CACNA2D3: variants seen among roughly 807,000 people sequenced by gnomAD.
CACNA2D3 encodes voltage-dependent calcium channel subunit alpha-2/delta-3.
In CACNA2D3, 60 loss-of-function variants were observed where a neutral mutation model predicts 160.6. The observed-to-expected ratio is 0.37, with a 90% CI of 0.30 to 0.46. The LOEUF is 0.46. Ranked by LOEUF, CACNA2D3 falls within the 20% of genes least tolerant of loss-of-function variation. CACNA2D3 has a pLI of 1.00. For synonymous variants in CACNA2D3, 558 were observed against 492.9 expected, an observed-to-expected ratio of 1.13 and a Z score of -1.75; for missense variants, 1,205 against 1,365.0, an observed-to-expected ratio of 0.88 and a Z score of 1.85.
At chr3:54,286,473 G>T (rs1178238477) in intron 2 of CACNA2D3, among the ~76,000 whole-genome samples, 1 of 152,232 alleles carries the variant, frequency 6.6e-6, no homozygotes, top group Non-Finnish European at 1.5e-5. Flanking sequence ...TGATAGTGAT[G>T]GGGAGAATGG....
chr3:54,665,161 A>G (rs1009964889), intron 11 of CACNA2D3, among the ~76,000 whole-genome samples: 1 of 152,168 alleles, frequency 6.6e-6, no homozygotes, highest in Non-Finnish European at 1.5e-5. Context: ...CTAATCAGAA[A>G]CCATTGCTGT....
chr3:54,859,133 G>T (rs1231498592), intron 17 of CACNA2D3, among the ~76,000 whole-genome samples: 3 of 152,212 alleles, frequency 2.0e-5, no homozygotes, highest in Non-Finnish European at 2.9e-5. Context: ...GCAGTAAGAT[G>T]AAGGCAGACT....
intron 10 of CACNA2D3, chr3:54,637,699 C>G (rs759892530): frequency 6.6e-6 from 1 of 151,972 alleles, no homozygotes; most frequent in East Asian, 1.9e-4. Context: ...ACCTAAAGCT[C>G]GGCGTCCATG....
chr3:55,058,959 G>T (rs901455492), intron 35 of CACNA2D3, among the ~76,000 whole-genome samples: 2 of 152,054 alleles, frequency 1.3e-5, no homozygotes, highest in African/African-American at 4.8e-5. Flanking sequence ...TGCAAAACTG[G>T]CTTCATATTT....
At chr3:54,311,889 T>G (rs79131778) in intron 2 of CACNA2D3, among the ~76,000 whole-genome samples, 73 of 152,292 alleles carry the variant, frequency 4.8e-4, no homozygotes, top group African/African-American at 1.6e-3. Flanking sequence ...CTTAAATGAT[T>G]GGGTTAATGA....
In CACNA2D3 at chr3:54,735,006, C is replaced by T. The variant is rs144209354; in HGVS notation, c.1168-17593C>T. ...AGTGTAACCATTAAGGCACTACCTC[C>T]AGTCTTTCTCTGCCCTAGCGTGGAG... On this transcript the variant is annotated intron_variant, in intron 11 of 37. Coordinates refer to ENST00000474759, the MANE Select transcript of CACNA2D3 (RefSeq NM_018398.3). 5.8e-3 allele frequency among the ~76,000 whole-genome samples: 880 copies of T among 152,364 alleles called. 15 individuals carry two copies. Among genetic ancestry groups the T allele is most frequent in the African/African-American group, 0.02 (822 of 41,584 alleles).
intron 27 of CACNA2D3, among the ~76,000 whole-genome samples, chr3:54,949,686 A>G (rs1341778404): frequency 1.3e-5 from 2 of 152,192 alleles, no homozygotes; most frequent in Non-Finnish European, 2.9e-5. Context: ...ACCGCCCAAC[A>G]TCGTTGGTCA....
intron 13 of CACNA2D3, among the ~76,000 whole-genome samples, chr3:54,780,048 G>T (rs1181763908): frequency 6.6e-6 from 1 of 152,116 alleles, no homozygotes; most frequent in African/African-American, 2.4e-5. Context: ...CAGTTTGTTT[G>T]TTTCTCCCTG....
intron 12 of CACNA2D3, among the ~76,000 whole-genome samples, chr3:54,756,683 G>T (rs555530280): frequency 6.6e-6 from 1 of 152,126 alleles, no homozygotes; most frequent in Non-Finnish European, 1.5e-5. Flanking sequence ...GAATCATGAG[G>T]GCTCTCACGT....
chr3:54,849,861 GA>G (rs971203350), intron 17 of CACNA2D3, among the ~76,000 whole-genome samples: 1 of 152,196 alleles, frequency 6.6e-6, no homozygotes, highest in African/African-American at 2.4e-5. Flanking sequence ...CCAGAGGAAA[GA>G]GGTGGGTTTC....
chr3:54,464,098 C>G (rs1378000711), intron 4 of CACNA2D3, among the ~76,000 whole-genome samples: 1 of 152,188 alleles, frequency 6.6e-6, no homozygotes, highest in Non-Finnish European at 1.5e-5. Flanking sequence ...TTTTCATGAA[C>G]CACGAATGCT....
intron 5 of CACNA2D3, among the ~76,000 whole-genome samples, chr3:54,509,724 A>T (rs1472300017): frequency 6.6e-6 from 1 of 152,208 alleles, no homozygotes; most frequent in Non-Finnish European, 1.5e-5. Context: ...GAAACATACA[A>T]GATAGTGCCA....
intron 27 of CACNA2D3, among the ~76,000 whole-genome samples, chr3:54,929,028 T>C (rs1451248459): frequency 2.0e-5 from 3 of 152,194 alleles, no homozygotes; most frequent in African/African-American, 7.2e-5. Flanking sequence ...TGTGTGTAAC[T>C]GTGTGTACGC....
At chr3:54,586,021 T>C (rs929621885) in intron 9 of CACNA2D3, among the ~76,000 whole-genome samples, 3 of 152,072 alleles carry the variant, frequency 2.0e-5, no homozygotes, top group Non-Finnish European at 4.4e-5. Context: ...TCCTAGCACT[T>C]TGGGAGGCCG....
chr3:54,495,557 T>C (rs1398867665), intron 4 of CACNA2D3, among the ~76,000 whole-genome samples: 1 of 152,146 alleles, frequency 6.6e-6, no homozygotes, highest in Non-Finnish European at 1.5e-5. Flanking sequence ...AAAACCAGCC[T>C]AGCCAATATG....
At chr3:54,925,299 A>G (rs1700983348) in intron 27 of CACNA2D3, 2 of 1,158,254 alleles carry the variant, frequency 1.7e-6, no homozygotes, top group African/African-American at 1.5e-5. Flanking sequence ...ATTTACAGGT[A>G]ATGTGCTTTC....
intron 4 of CACNA2D3, among the ~76,000 whole-genome samples, chr3:54,429,952 A>C (rs1297983596): frequency 1.4e-4 from 21 of 152,206 alleles, no homozygotes; most frequent in Admixed American, 1.4e-3. Flanking sequence ...TAATTCCCTG[A>C]TGATAATCTG....
chr3:54,145,315 G>A (rs140806668), intron 2 of CACNA2D3, among the ~76,000 whole-genome samples: 1 of 152,342 alleles, frequency 6.6e-6, no homozygotes, highest in East Asian at 1.9e-4. Flanking sequence ...CGCTGTGCAC[G>A]GTGGTAGGGG....
chr3:54,685,414 T>C (rs144175666), intron 11 of CACNA2D3, among the ~76,000 whole-genome samples: 4 of 152,350 alleles, frequency 2.6e-5, no homozygotes, highest in Non-Finnish European at 5.9e-5. Context: ...AATAAAACTT[T>C]ATTTGCAAAA....
Sources: gnomAD v4.1 joint callset for allele counts (sites outside exome capture counted in the v4.1 genomes callset) on GRCh38, gnomAD v4.1.1 for gene constraint, MANE v1.5 for transcripts, NCBI Gene and HGNC (gene_info 2026-07-23, HGNC 2026-07-21) for gene names.